The following RYR3 variants were observed in gnomAD, a reference collection of about 807,000 sequenced individuals.
RYR3 encodes brain ryanodine receptor-calcium release channel.
Under a neutral mutation model 584.3 loss-of-function variants are expected in RYR3, and 207 were observed. The observed-to-expected ratio is 0.35, with a 90% CI of 0.32 to 0.40. The LOEUF (loss-of-function observed/expected upper bound fraction) is 0.40, where lower values mean the gene tolerates loss of function less well. Ranked by LOEUF, RYR3 falls within the 10% of genes least tolerant of loss-of-function variation. RYR3 has a pLI of 1.00. For synonymous variants in RYR3, 2,416 were observed against 2,248.5 expected, an observed-to-expected ratio of 1.07 and a Z score of -2.11; for missense variants, 5,616 against 6,089.2, an observed-to-expected ratio of 0.92 and a Z score of 2.59.
chr15:33,596,343 T>A (rs905585696), intron 16 of RYR3, among the ~76,000 whole-genome samples: 2 of 152,164 alleles, frequency 1.3e-5, no homozygotes, highest in African/African-American at 4.8e-5. Context: ...CAAATATTTG[T>A]GCCATTACAT....
At chr15:33,473,583 T>C in intron 2 of RYR3, 45 bp downstream of exon 2, 1 of 1,605,222 alleles carries the variant, frequency 6.2e-7, no homozygotes, top group Non-Finnish European at 8.5e-7. Flanking sequence ...CCTTGGCGTC[T>C]GACAAAGTCA....
At position 33,865,334 on chromosome 15, in the gene RYR3, C is replaced by A; in HGVS notation, c.*108C>A. The A allele has an allele frequency of 2.6e-6, 2 of 768,106 alleles. No homozygotes were observed. Among genetic ancestry groups the A allele is most frequent in the South Asian group, 2.0e-5 (1 of 51,054 alleles). The allele number at this position is 768,106 out of a possible 1,614,324, so 47.6% of individuals were successfully genotyped here. On this transcript the variant is annotated 3_prime_UTR_variant, in exon 104 of 104. Coordinates refer to ENST00000634891, the MANE Select transcript of RYR3 (RefSeq NM_001036.6). ...CTGAAATGTGACATTTTCTAAATGC[C>A]TCCCTTAAAAAAAAAACTGCTGAAA...
intron 1 of RYR3, among the ~76,000 whole-genome samples, chr15:33,353,533 C>G (rs1490960684): frequency 6.6e-6 from 1 of 152,208 alleles, no homozygotes; most frequent in Non-Finnish European, 1.5e-5. Flanking sequence ...AATATGACAA[C>G]TAACCATACT....
intron 1 of RYR3, among the ~76,000 whole-genome samples, chr15:33,320,428 A>G (rs1968811690): frequency 6.6e-6 from 1 of 152,190 alleles, no homozygotes; most frequent in Non-Finnish European, 1.5e-5. Flanking sequence ...TTGACCAATT[A>G]CTCTCCACCC....
intron 42 of RYR3, among the ~76,000 whole-genome samples, chr15:33,705,236 C>A (rs2066613446): frequency 6.6e-6 from 1 of 151,898 alleles, no homozygotes; most frequent in Admixed American, 6.6e-5. Flanking sequence ...ATTTTAAAGA[C>A]AAAATCAAAT....
At chr15:33,840,342 C>T (rs185265355) in intron 89 of RYR3, among the ~76,000 whole-genome samples, 18 of 152,248 alleles carry the variant, frequency 1.2e-4, no homozygotes, top group African/African-American at 4.3e-4. Flanking sequence ...AGAGAAACAC[C>T]GGGATCATGC....
chr15:33,316,568 C>T (rs1387197470), intron 1 of RYR3, among the ~76,000 whole-genome samples: 1 of 152,060 alleles, frequency 6.6e-6, no homozygotes, highest in African/African-American at 2.4e-5. Context: ...AGCTTAGAGG[C>T]AAGAATTCCT....
At chr15:33,391,650 T>G (rs1415922006) in intron 1 of RYR3, among the ~76,000 whole-genome samples, 1 of 151,916 alleles carries the variant, frequency 6.6e-6, no homozygotes, top group Non-Finnish European at 1.5e-5. Context: ...AAATTAAAAT[T>G]TGAAGGGCTG....
chr15:33,675,196 G>A (rs1475225493), intron 38 of RYR3, among the ~76,000 whole-genome samples: 1 of 152,222 alleles, frequency 6.6e-6, no homozygotes, highest in African/African-American at 2.4e-5. Context: ...GGAGGGAGGG[G>A]CTAACACTTA....
chr15:33,548,678 CT>C, intron 9 of RYR3, among the ~76,000 whole-genome samples: 1 of 152,308 alleles, frequency 6.6e-6, no homozygotes, highest in African/African-American at 2.4e-5. Context: ...CTTACTAGAA[CT>C]TTTCAGAGAC....
chr15:33,372,556 G>A (rs1170233817), intron 1 of RYR3, among the ~76,000 whole-genome samples: 1 of 151,902 alleles, frequency 6.6e-6, no homozygotes, highest in African/African-American at 2.4e-5. Flanking sequence ...TAGTAGAGAC[G>A]AGGATTCACC....
chr15:33,795,971 G>C (rs1197136521), intron 67 of RYR3, among the ~76,000 whole-genome samples: 1 of 152,186 alleles, frequency 6.6e-6, no homozygotes, highest in East Asian at 1.9e-4. Context: ...AAGGGAGTTA[G>C]GGTAAATCCC....
intron 1 of RYR3, among the ~76,000 whole-genome samples, chr15:33,382,506 A>G (rs958289930): frequency 6.6e-6 from 1 of 151,918 alleles, no homozygotes; most frequent in Non-Finnish European, 1.5e-5. Flanking sequence ...TATTTTTAGT[A>G]GAGACAGGGT....
In RYR3 at chr15:33,391,528, A is replaced by C. The variant is rs76561451; in HGVS notation, c.51+80432A>C. Reference sequence around the variant, plus strand: ...GTAGTCCCAGCTGTTCAGGAGGCTGAGGCAGGAGAATGACGTGAACCTGGG... The same window carrying C: ...GTAGTCCCAGCTGTTCAGGAGGCTGCGGCAGGAGAATGACGTGAACCTGGG... On this transcript the variant is annotated intron_variant, in intron 1 of 103. Transcript: ENST00000634891. Among the ~76,000 whole-genome samples the C allele has an allele frequency of 5.3e-3, 797 of 151,784 alleles. 45 individuals carry two copies. In the East Asian group the frequency reaches 0.12, roughly 23 times the overall value.
intron 38 of RYR3, among the ~76,000 whole-genome samples, chr15:33,691,160 T>C (rs2065398670): frequency 1.3e-5 from 1 of 75,626 alleles, no homozygotes; most frequent in East Asian, 5.3e-4. Flanking sequence ...TCTGAAACCA[T>C]ATTAACTAGA....
intron 67 of RYR3, among the ~76,000 whole-genome samples, chr15:33,789,648 A>ATTTTTTTTT (rs2074995932): frequency 4.1e-5 from 1 of 24,350 alleles, no homozygotes; most frequent in Non-Finnish European, 7.3e-5. Context: ...ATATATATAT[A>ATTTTTTTTT]TATATATATA....
chr15:33,746,618 G>A (rs750387235), intron 53 of RYR3, among the ~76,000 whole-genome samples: 12 of 151,870 alleles, frequency 7.9e-5, no homozygotes, highest in Non-Finnish European at 1.5e-4. Context: ...GGCCAACATG[G>A]TGAAACCCCA....
At chr15:33,588,605 C>G (rs2058973202) in intron 16 of RYR3, among the ~76,000 whole-genome samples, 1 of 152,086 alleles carries the variant, frequency 6.6e-6, no homozygotes, top group African/African-American at 2.4e-5. Flanking sequence ...ATCATTTACC[C>G]CCTCCCACAC....
intron 57 of RYR3, among the ~76,000 whole-genome samples, chr15:33,753,604 GTTTC>G (rs2071534122): frequency 6.6e-6 from 1 of 152,068 alleles, no homozygotes; most frequent in Non-Finnish European, 1.5e-5. Context: ...GCAAGCTGCT[GTTTC>G]TTCTAGTTTC....
Sources: gnomAD v4.1 joint callset for allele counts (sites outside exome capture counted in the v4.1 genomes callset) on GRCh38, gnomAD v4.1.1 for gene constraint, MANE v1.5 for transcripts, NCBI Gene and HGNC (gene_info 2026-07-23, HGNC 2026-07-21) for gene names.